The following IGSF21 variants were observed in gnomAD, a reference collection of about 807,000 sequenced individuals.
IGSF21 encodes the protein immunoglobin superfamily member 21, also known as immunoglobulin superfamily member 21.
In IGSF21, 28 loss-of-function variants were observed where a neutral mutation model predicts 46.8. The observed-to-expected ratio is 0.60, with a 90% CI of 0.44 to 0.82. IGSF21 has a LOEUF of 0.82. Among genes scored for constraint, IGSF21 ranks in the 40% least tolerant of loss-of-function variants. The pLI is 0.00. For synonymous variants in IGSF21, 284 were observed against 273.6 expected (o/e 1.04, Z -0.38); for missense variants, 624 against 665.5 (o/e 0.94, Z 0.69).
chr1:18,116,285 T>TTAGGAA (rs1456525218), intron 1 of IGSF21, among the ~76,000 whole-genome samples: 1 of 152,160 alleles, frequency 6.6e-6, no homozygotes, highest in East Asian at 1.9e-4. Flanking sequence ...TCCCTGGGTA[T>TTAGGAA]GCCCATCCTT....
At chr1:18,141,165 T>C (rs1446455335) in intron 1 of IGSF21, among the ~76,000 whole-genome samples, 2 of 152,178 alleles carry the variant, frequency 1.3e-5, no homozygotes. Context: ...CTGATGGGAA[T>C]TGGCTTTGAG....
chr1:18,237,597 G>A (rs2084685288), intron 2 of IGSF21, among the ~76,000 whole-genome samples: 1 of 152,174 alleles, frequency 6.6e-6, no homozygotes, highest in African/African-American at 2.4e-5. Context: ...TCTCTCCTCT[G>A]TGAAGCCTTC....
At position 18,268,753 on chromosome 1, in the gene IGSF21, G is replaced by C. The variant is rs562992941; in HGVS notation, c.184-23113G>C. Among the ~76,000 whole-genome samples, 7 of 152,266 alleles carry C rather than the reference G, an allele frequency of 4.6e-5. No individual in the cohort carries two copies. In the South Asian group the frequency reaches 1.5e-3, roughly 32 times the overall value. ...GGCGGGAGGAATCATGCATGTAGTT[G>C]GTCTCCCTCCTGAAGGTCTCCAGGG... On this transcript the variant is annotated intron_variant, in intron 2 of 9. Transcript: ENST00000251296.
chr1:18,143,027 G>C (rs909220923), intron 1 of IGSF21, among the ~76,000 whole-genome samples: 7 of 152,194 alleles, frequency 4.6e-5, no homozygotes, highest in African/African-American at 1.7e-4. Context: ...AGGATGCCCA[G>C]AGCCTTCCCT....
At chr1:18,164,306 T>C (rs1170658303) in intron 1 of IGSF21, among the ~76,000 whole-genome samples, 1 of 152,032 alleles carries the variant, frequency 6.6e-6, no homozygotes, top group Non-Finnish European at 1.5e-5. Flanking sequence ...TTTCCTTCTT[T>C]CTTCCCTCCC....
At chr1:18,366,843 A>G (rs1017904323) in intron 6 of IGSF21, among the ~76,000 whole-genome samples, 3 of 152,086 alleles carry the variant, frequency 2.0e-5, no homozygotes, top group African/African-American at 7.2e-5. Context: ...TTCCCTGGTA[A>G]CTCACTCTCT....
intron 1 of IGSF21, among the ~76,000 whole-genome samples, chr1:18,177,392 G>GAAGGACT (rs1553151722): frequency 0.42 from 52,925 of 126,472 alleles, 12,196 homozygotes; most frequent in Middle Eastern, 0.53. Flanking sequence ...GGGTCAGTGA[G>GAAGGACT]GTGTGTGTGT....
intron 1 of IGSF21, among the ~76,000 whole-genome samples, chr1:18,186,434 C>T (rs914789042): frequency 1.3e-5 from 2 of 152,198 alleles, no homozygotes; most frequent in Non-Finnish European, 2.9e-5. Context: ...TCCTTCTTCA[C>T]CCTCCGTGGC....
intron 3 of IGSF21, among the ~76,000 whole-genome samples, chr1:18,324,515 CGCTTCTTCCCAGATCTGCT>C (rs1334527668): frequency 6.6e-6 from 1 of 152,194 alleles, no homozygotes; most frequent in African/African-American, 2.4e-5. Context: ...GTGGCCCGGC[CGCTTCTTCCCAGATCTGCT>C]GCTGATTGCT....
chr1:18,134,140 ATGAG>A (rs200921685), intron 1 of IGSF21, among the ~76,000 whole-genome samples: 2 of 152,232 alleles, frequency 1.3e-5, no homozygotes, highest in African/African-American at 2.4e-5. Context: ...TAGTAGAACC[ATGAG>A]TGAGTGAGTG....
At chr1:18,332,522 ATGTCACTCCAGGTGAC>A (rs2085724282) in intron 3 of IGSF21, among the ~76,000 whole-genome samples, 1 of 150,616 alleles carries the variant, frequency 6.6e-6, no homozygotes, top group East Asian at 1.9e-4. Context: ...TATCTAAAAT[ATGTCACTCCAGGTGAC>A]TGTCACTCAG....
At chr1:18,219,495 A>G (rs1470480898) in intron 1 of IGSF21, among the ~76,000 whole-genome samples, 1 of 152,130 alleles carries the variant, frequency 6.6e-6, no homozygotes, top group Non-Finnish European at 1.5e-5. Flanking sequence ...GAGGAGATGG[A>G]GCAGTAGGTG....
rs554172551 is a variant in IGSF21, at chr1:18,221,793, G to A, written c.71-6105G>A. ...TTAATGCCCTGAAAGACAGAGCTCC[G>A]TCTTCAGCTGGTGGCTGAGTAATTG... On this transcript the variant is annotated intron_variant, in intron 1 of 9. Transcript: ENST00000251296. Among the ~76,000 whole-genome samples the A allele has an allele frequency of 3.5e-4, 53 of 152,242 alleles. 1 individual carries two copies. Among genetic ancestry groups the A allele is most frequent in the African/African-American group, 7.5e-4 (31 of 41,546 alleles).
chr1:18,159,699 T>TG (rs2086599315), intron 1 of IGSF21, among the ~76,000 whole-genome samples: 1 of 151,460 alleles, frequency 6.6e-6, no homozygotes, highest in African/African-American at 2.4e-5. Flanking sequence ...TTTTTTTTTT[T>TG]TGAGAGAGAG....
intron 3 of IGSF21, among the ~76,000 whole-genome samples, chr1:18,310,925 C>T (rs1056637276): frequency 6.6e-6 from 1 of 152,200 alleles, no homozygotes; most frequent in Non-Finnish European, 1.5e-5. Flanking sequence ...GTGTCTGTCT[C>T]TCTGTCCAGA....
intron 2 of IGSF21, among the ~76,000 whole-genome samples, chr1:18,272,060 T>C (rs1457868609): frequency 6.6e-6 from 1 of 151,978 alleles, no homozygotes; most frequent in Non-Finnish European, 1.5e-5. Context: ...CAGTTTCACG[T>C]GGCCAGGGAA....
intron 1 of IGSF21, among the ~76,000 whole-genome samples, chr1:18,125,498 A>G (rs2086267512): frequency 6.6e-6 from 1 of 152,242 alleles, no homozygotes. Flanking sequence ...AGAGACATCA[A>G]GAACTCTGAA....
chr1:18,318,142 GCCACA>G (rs1202434397), intron 3 of IGSF21, among the ~76,000 whole-genome samples: 2 of 152,166 alleles, frequency 1.3e-5, no homozygotes, highest in African/African-American at 4.8e-5. Flanking sequence ...AGGATTGTGG[GCCACA>G]CCACACCCAG....
chr1:18,233,560 G>A (rs1050019879), intron 2 of IGSF21, among the ~76,000 whole-genome samples: 1 of 152,174 alleles, frequency 6.6e-6, no homozygotes, highest in Non-Finnish European at 1.5e-5. Context: ...AAGCTTAAAT[G>A]AGATAATGTC....
Sources: gnomAD v4.1 joint callset for allele counts (sites outside exome capture counted in the v4.1 genomes callset) on GRCh38, gnomAD v4.1.1 for gene constraint, MANE v1.5 for transcripts, NCBI Gene and HGNC (gene_info 2026-07-23, HGNC 2026-07-21) for gene names.